RASAL2: variants seen among roughly 807,000 people sequenced by gnomAD.
The protein encoded by RASAL2 is RAS protein activator like 2.
A neutral mutation model predicts 128.9 loss-of-function variants in RASAL2; 58 were observed. The observed-to-expected ratio is 0.45, with a 90% CI of 0.36 to 0.56. The LOEUF (loss-of-function observed/expected upper bound fraction) is 0.56, where lower values mean the gene tolerates loss of function less well. RASAL2 is among the 20% of genes least tolerant of loss of function. The probability of loss-of-function intolerance (pLI) is 0.00; values close to 1 mark genes in which losing one functional copy is unlikely to be tolerated. For missense variants in RASAL2, 1,360 were observed against 1,601.6 expected (o/e 0.85, Z 2.57); for synonymous variants, 561 against 580.8 (o/e 0.97, Z 0.49).
At chr1:178,383,070 A>G (rs138205301) in intron 3 of RASAL2, among the ~76,000 whole-genome samples, 3 of 152,270 alleles carry the variant, frequency 2.0e-5, no homozygotes, top group Non-Finnish European at 2.9e-5. Context: ...TTTTTCTATT[A>G]TGTTAACAAG....
chr1:178,323,348 C>G (rs1177477165), intron 3 of RASAL2, among the ~76,000 whole-genome samples: 1 of 152,140 alleles, frequency 6.6e-6, no homozygotes, highest in Non-Finnish European at 1.5e-5. Flanking sequence ...TAGAGAAACT[C>G]TTTCTTGACT....
chr1:178,330,759 TG>T (rs955007018), intron 3 of RASAL2, among the ~76,000 whole-genome samples: 1 of 152,124 alleles, frequency 6.6e-6, no homozygotes, highest in Non-Finnish European at 1.5e-5. Context: ...CTATGTCAAA[TG>T]GGGGGTGAAT....
At chr1:178,132,889 C>A (rs1660173141) in intron 1 of RASAL2, among the ~76,000 whole-genome samples, 1 of 151,798 alleles carries the variant, frequency 6.6e-6, no homozygotes, top group Admixed American at 6.6e-5. Flanking sequence ...CTGCCTCAAC[C>A]TCCCAAGTAG....
At chr1:178,320,688 T>C (rs1325036441) in intron 3 of RASAL2, among the ~76,000 whole-genome samples, 1 of 152,180 alleles carries the variant, frequency 6.6e-6, no homozygotes, top group African/African-American at 2.4e-5. Context: ...CTGCGCCCAC[T>C]GTCTGGCACT....
chr1:178,412,055 T>A, intron 4 of RASAL2: 6 of 319,088 alleles, frequency 1.9e-5, no homozygotes, highest in East Asian at 6.8e-5. Context: ...TAAATTGCCA[T>A]CATGTGAAAA....
intron 1 of RASAL2, among the ~76,000 whole-genome samples, chr1:178,136,278 G>C (rs1271906943): frequency 6.6e-6 from 1 of 152,110 alleles, no homozygotes; most frequent in Non-Finnish European, 1.5e-5. Flanking sequence ...AAGATTGTAG[G>C]CTTGGAATTA....
chr1:178,211,673 T>TA (rs770037135), intron 1 of RASAL2, among the ~76,000 whole-genome samples: 2 of 152,118 alleles, frequency 1.3e-5, no homozygotes, highest in African/African-American at 4.8e-5. Flanking sequence ...CCCCTTAACC[T>TA]AAAAAAACCC....
intron 1 of RASAL2, among the ~76,000 whole-genome samples, chr1:178,224,090 A>G (rs1251212307): frequency 2.0e-5 from 3 of 152,190 alleles, no homozygotes; most frequent in South Asian, 2.1e-4. Flanking sequence ...GATGATATGC[A>G]TGGTGAGAAT....
chr1:178,209,489 C>G (rs1230318695), intron 1 of RASAL2, among the ~76,000 whole-genome samples: 2 of 152,140 alleles, frequency 1.3e-5, no homozygotes, highest in Non-Finnish European at 1.5e-5. Context: ...GTTTTCTCAT[C>G]TTTTTCCATT....
rs536998188 is a variant in RASAL2 at position 178,345,726 on chromosome 1, T to C, written c.458-44374T>C. Among the ~76,000 whole-genome samples the C allele has an allele frequency of 3.9e-5, 6 of 152,154 alleles. No individual in the cohort carries two copies. In the South Asian group the frequency reaches 1.2e-3, roughly 32 times the overall value. On this transcript the variant is annotated intron_variant, in intron 3 of 17. Coordinates refer to ENST00000367649, the MANE Select transcript of RASAL2 (RefSeq NM_170692.4). The stretch of plus-strand genomic sequence containing the variant: ...TGAAGTTTCAGGTAAATAAGTGAAG[T>C]GAAATAACAAAGAGAAGTGATTTGT...
rs1285468672 is a variant in RASAL2, at chr1:178,110,603, ATATATACAC to A, written c.202+15925_202+15933del. 4.5e-4 allele frequency among the ~76,000 whole-genome samples: 65 copies of A among 143,384 alleles called. 1 individual carries two copies. The highest frequency in any genetic ancestry group is 1.3e-3 in the Admixed American group (19 of 14,082). The allele number at this position is 143,384 out of a possible 152,430, so 94.1% of individuals were successfully genotyped here. A position where few individuals can be genotyped will look rare whatever the true frequency, so the allele number is the denominator to read the frequency against. On this transcript the variant is annotated intron_variant, in intron 1 of 17. Coordinates refer to ENST00000367649, the MANE Select transcript of RASAL2 (RefSeq NM_170692.4). The stretch of plus-strand genomic sequence containing the variant: ...AGTATATATATGCTATATATACTGT[ATATATACAC>A]TATATACACTATATATAGTGTATAC...
At chr1:178,219,439 G>T (rs115210061) in intron 1 of RASAL2, among the ~76,000 whole-genome samples, 2,733 of 152,008 alleles carry the variant, frequency 0.018, 75 homozygotes, top group African/African-American at 0.059. Context: ...CTTGAGCTCT[G>T]GGTTTGAGAC....
intron 2 of RASAL2, among the ~76,000 whole-genome samples, chr1:178,294,757 C>G (rs138294320): frequency 1.3e-5 from 2 of 152,304 alleles, no homozygotes; most frequent in Non-Finnish European, 2.9e-5. Context: ...GTGCTGTAAT[C>G]TGGAGGCCAG....
At chr1:178,283,497 T>C in intron 1 of RASAL2, 67 bp from the exon 2 acceptor site, 1 of 1,552,790 alleles carries the variant, frequency 6.4e-7, no homozygotes, top group Non-Finnish European at 8.8e-7. Context: ...GAATTTTACA[T>C]TTGAAATACT....
Position 178,441,598 on chromosome 1 carries a change from A to G in RASAL2, c.878A>G (p.Glu293Gly). 6.2e-7 allele frequency: 1 copy of G among 1,612,800 alleles called. No homozygotes were observed. The highest frequency in any genetic ancestry group is 1.3e-5 in the African/African-American group (1 of 74,970). Residue 293 changes from glutamate (E) to glycine (G), a missense_variant, in exon 7 of 18, where the codon GAG (glutamate) becomes GGG (glycine). Physicochemically the swap from Glu to Gly is moderately conservative, Grantham distance 98. Coordinates refer to ENST00000367649, the MANE Select transcript of RASAL2 (RefSeq NM_170692.4). Reference protein sequence around the residue: ...SKCFSCNSASERDKWMENLRR... With the variant: ...SKCFSCNSASGRDKWMENLRR... ...TGCTTCAGCTGTAATTCTGCTTCTG[A>G]GAGAGACAAGTGGATGGAAAACCTT...
chr1:178,121,093 T>C (rs1409145929), intron 1 of RASAL2: 2 of 152,174 alleles, frequency 1.3e-5, no homozygotes, highest in Non-Finnish European at 2.9e-5. Flanking sequence ...TCCAGGTGAG[T>C]ATCGTCAGAC....
chr1:178,388,989 C>G (rs922785007), intron 3 of RASAL2, among the ~76,000 whole-genome samples: 4 of 152,078 alleles, frequency 2.6e-5, no homozygotes, highest in African/African-American at 7.2e-5. Context: ...GGGGGAAGAG[C>G]AAGACACAGA....
At position 178,463,142 on chromosome 1, in the gene RASAL2, GA is replaced by G. The variant is rs571395983; in HGVS notation, c.3253-1132del. Among the ~76,000 whole-genome samples the G allele has an allele frequency of 3.3e-5, 5 of 152,208 alleles. No individual in the cohort carries two copies. In the South Asian group the frequency reaches 1.0e-3, roughly 32 times the overall value. On this transcript the variant is annotated intron_variant, in intron 14 of 17. Transcript: ENST00000367649. ...AAGATGTAATGGCTGTGATAGGGGA[GA>G]AAATGCCCTTCAATTATGAAATTAT...
At chr1:178,342,677 T>C (rs1157434851) in intron 3 of RASAL2, among the ~76,000 whole-genome samples, 1 of 152,166 alleles carries the variant, frequency 6.6e-6, no homozygotes, top group Non-Finnish European at 1.5e-5. Context: ...GTTAGTAAAC[T>C]TTTTTCTGTA....
Sources: gnomAD v4.1 joint callset for allele counts (sites outside exome capture counted in the v4.1 genomes callset) on GRCh38, gnomAD v4.1.1 for gene constraint, MANE v1.5 for transcripts, NCBI Gene and HGNC (gene_info 2026-07-23, HGNC 2026-07-21) for gene names.